The following C5orf47 variants were observed in gnomAD, a reference collection of about 807,000 sequenced individuals.
C5orf47 encodes the protein uncharacterized protein C5orf47.
Under a neutral mutation model 20.6 loss-of-function variants are expected in C5orf47, and 20 were observed. That is an observed-to-expected ratio of 0.97 (90% CI 0.68 to 1.41). The LOEUF (loss-of-function observed/expected upper bound fraction) is 1.41. C5orf47 is among the 40% of genes most tolerant of loss of function. C5orf47 has a pLI of 0.00. For missense variants in C5orf47, 262 were observed against 238.4 expected (o/e 1.10, Z -0.65); for synonymous variants, 106 against 97.3 (o/e 1.09, Z -0.53).
At chr5:173,994,356 G>C (rs1455458218) in intron 1 of C5orf47, among the ~76,000 whole-genome samples, 1 of 152,064 alleles carries the variant, frequency 6.6e-6, no homozygotes, top group Admixed American at 6.5e-5. Context: ...AGCTTTTTTT[G>C]GTGCAAGTTA....
rs1369789296 is a variant in C5orf47, at chr5:173,989,600, GGGCAGGGCGGGACCGGGCGC to G, written c.325+16_325+35del. ...GTCGGCGCGTGCAGGTGGTGCAGCGGGGCAGGGCGGGACCGGGCGCGGCGGGGCGGGACGGGGCGGAGCGG... is the reference window on the plus strand; with the variant it reads ...GTCGGCGCGTGCAGGTGGTGCAGCGGGGCGGGGCGGGACGGGGCGGAGCGG... On this transcript the variant is annotated intron_variant, in intron 1 of 4. Coordinates refer to ENST00000340147, the MANE Select transcript of C5orf47 (RefSeq NM_001144954.2). 22 of 1,425,224 alleles carry G rather than the reference GGGCAGGGCGGGACCGGGCGC, an allele frequency of 1.5e-5. No homozygotes were observed. In the Admixed American group the frequency reaches 3.9e-4, roughly 25 times the overall value. 88.3% of individuals were successfully genotyped at this position (1,425,224 alleles called of 1,614,324 possible). A position where few individuals can be genotyped will look rare whatever the true frequency, so the allele number is the denominator to read the frequency against.
rs973580084 is a variant in C5orf47 at position 174,005,183 on chromosome 5, C to T, written c.*929C>T. 1 of 152,120 alleles carries T rather than the reference C, an allele frequency of 6.6e-6. No homozygotes were observed. The highest frequency in any genetic ancestry group is 1.5e-5 in the Non-Finnish European group (1 of 68,010). 9.4% of individuals were successfully genotyped at this position (152,120 alleles called of 1,614,324 possible). A position where few individuals can be genotyped will look rare whatever the true frequency, so the allele number is the denominator to read the frequency against. ...CTTGTTCATGATCAAATTCTGTGTA[C>T]TCTAGTTGCTTCTTTCCCTTGGAGT... On this transcript the variant is annotated 3_prime_UTR_variant, in exon 5 of 5. Transcript: ENST00000340147.
At chr5:173,996,477 A>G (rs980927142) in intron 1 of C5orf47, among the ~76,000 whole-genome samples, 1 of 152,224 alleles carries the variant, frequency 6.6e-6, no homozygotes, top group African/African-American at 2.4e-5. Context: ...CTTACAAACA[A>G]GAAACATTTG....
At chr5:173,995,126 TTAAG>T (rs1351340513) in intron 1 of C5orf47, among the ~76,000 whole-genome samples, 1 of 152,196 alleles carries the variant, frequency 6.6e-6, no homozygotes, top group East Asian at 1.9e-4. Flanking sequence ...AATGTTAATA[TTAAG>T]TAGACATTCA....
At chr5:173,991,109 T>G (rs1315943077) in intron 1 of C5orf47, among the ~76,000 whole-genome samples, 1 of 152,220 alleles carries the variant, frequency 6.6e-6, no homozygotes. Context: ...TTTGGACATT[T>G]CGTATATGTT....
Position 174,005,069 on chromosome 5 carries a change from C to T in C5orf47, c.*815C>T, listed in dbSNP as rs1401365375. ...TCAACTTTTACCTCCGCCAGTTTTT[C>T]TGCTTTTTTGCTGGTACGATCTCTC... On this transcript the variant is annotated 3_prime_UTR_variant, in exon 5 of 5. Coordinates refer to ENST00000340147, the MANE Select transcript of C5orf47 (RefSeq NM_001144954.2). 2.0e-5 allele frequency: 3 copies of T among 152,100 alleles called. No individual in the cohort carries two copies. The East Asian group carries it at 5.8e-4, about 29-fold the overall frequency. The allele number at this position is 152,100 out of a possible 1,614,324, so 9.4% of individuals were successfully genotyped here.
chr5:173,997,218 A>C (rs1253198443), intron 1 of C5orf47, among the ~76,000 whole-genome samples: 1 of 152,190 alleles, frequency 6.6e-6, no homozygotes, highest in African/African-American at 2.4e-5. Context: ...CTAAGTATTG[A>C]AAGAGTAGAA....
rs1381208338 is a variant in C5orf47, at chr5:173,989,386, G to C, written c.123G>C (p.Trp41Cys). ...QLGGRGAQGLWGQGPGAGCRQ... is the reference protein window; with the variant it reads ...QLGGRGAQGLCGQGPGAGCRQ... ...GCGGCCGTGGAGCTCAAGGCCTTTG[G>C]GGTCAGGGGCCTGGGGCAGGCTGTC... The change falls in exon 1 of 5, where the codon TGG (tryptophan) becomes TGC (cysteine). Residue 41 changes from tryptophan (W) to cysteine (C), a missense_variant. Trp to Cys is a radical substitution (Grantham distance 215, BLOSUM62 -2). Transcript: ENST00000340147. 10 of 1,538,584 alleles carry C rather than the reference G, an allele frequency of 6.5e-6. No homozygotes were observed. The highest frequency in any genetic ancestry group is 8.8e-6 in the Non-Finnish European group (10 of 1,140,798).
intron 2 of C5orf47, 122 bp from the exon 3 acceptor site, chr5:173,999,578 A>G: frequency 4.6e-6 from 2 of 436,322 alleles, no homozygotes; most frequent in Non-Finnish European, 8.4e-6. Context: ...AAATGCTAAT[A>G]TAGCCTTATA....
chr5:174,001,947 C>CT (rs531174254), intron 4 of C5orf47, among the ~76,000 whole-genome samples: 5,687 of 143,544 alleles, frequency 0.04, 108 homozygotes, highest in African/African-American at 0.061. Context: ...TATCTTTTTT[C>CT]TTTTTTTTTT....
At chr5:174,002,979 T>A (rs1159286073) in intron 4 of C5orf47, among the ~76,000 whole-genome samples, 2 of 152,172 alleles carry the variant, frequency 1.3e-5, no homozygotes, top group African/African-American at 4.8e-5. Context: ...ATGTTATGAA[T>A]TTTTTGGCTG....
chr5:173,989,251 G>C lies in C5orf47; in HGVS notation c.-13G>C. 7.2e-7 allele frequency: 1 copy of C among 1,382,118 alleles called. No individual in the cohort carries two copies. 85.6% of individuals were successfully genotyped at this position (1,382,118 alleles called of 1,614,324 possible). A position where few individuals can be genotyped will look rare whatever the true frequency, so the allele number is the denominator to read the frequency against. ...GTTTGCTGAGGGCCCGGCTGCCGTT[G>C]ACTGAGGCTGCGATGGCGGCGGCAG... On this transcript the variant is annotated 5_prime_UTR_variant, in exon 1 of 5. Coordinates refer to ENST00000340147, the MANE Select transcript of C5orf47 (RefSeq NM_001144954.2).
intron 4 of C5orf47, 141 bp downstream of exon 4, chr5:174,001,372 C>G: frequency 1.7e-6 from 1 of 583,546 alleles, no homozygotes; most frequent in South Asian, 2.4e-5. Flanking sequence ...GTGTTTGGCA[C>G]ATAGTAGGCA....
chr5:173,999,301 C>T (rs1218004742), intron 2 of C5orf47, among the ~76,000 whole-genome samples: 1 of 152,036 alleles, frequency 6.6e-6, no homozygotes, highest in East Asian at 1.9e-4. Context: ...TAATTCTTAA[C>T]TGGAATAAAA....
intron 2 of C5orf47, 49 bp from the exon 3 acceptor site, chr5:173,999,651 A>G (rs1759161180): frequency 3.4e-6 from 3 of 879,486 alleles, no homozygotes; most frequent in Non-Finnish European, 3.4e-6. Flanking sequence ...ATGAAAATAT[A>G]TTCCTACTTT....
intron 1 of C5orf47, among the ~76,000 whole-genome samples, chr5:173,996,634 T>G (rs2113365586): frequency 6.6e-6 from 1 of 152,342 alleles, no homozygotes; most frequent in African/African-American, 2.4e-5. Flanking sequence ...AATATATTTA[T>G]TTAAATAGGC....
intron 3 of C5orf47, 150 bp from the exon 4 acceptor site, chr5:174,001,046 T>C: frequency 1.6e-6 from 1 of 626,888 alleles, no homozygotes; most frequent in Non-Finnish European, 2.8e-6. Context: ...TACATTACAG[T>C]GTTAAACTAC....
intron 4 of C5orf47, among the ~76,000 whole-genome samples, chr5:174,003,709 CAG>C (rs1309061330): frequency 4.6e-5 from 7 of 152,124 alleles, no homozygotes; most frequent in Admixed American, 3.3e-4. Context: ...GTTTTGGAGT[CAG>C]GGATTATAGG....
chr5:173,995,399 A>G, intron 1 of C5orf47, among the ~76,000 whole-genome samples: 1 of 152,234 alleles, frequency 6.6e-6, no homozygotes, highest in East Asian at 1.9e-4. Context: ...AAATCAGGGA[A>G]CATGAATAGA....
Sources: allele counts gnomAD v4.1 joint callset (sites outside exome capture counted in the v4.1 genomes callset), GRCh38; gene constraint gnomAD v4.1.1; transcripts MANE v1.5; gene names NCBI Gene and HGNC (gene_info 2026-07-23, HGNC 2026-07-21).